Variants in RICTOR observed in about 807,000 individuals in gnomAD.
RICTOR encodes RPTOR independent companion of MTOR complex 2.
Under a neutral mutation model 214.9 loss-of-function variants are expected in RICTOR, and 49 were observed. That is an observed-to-expected ratio of 0.23 (90% CI 0.18 to 0.29). The LOEUF is 0.29. RICTOR is among the 10% of genes least tolerant of loss of function. The probability of loss-of-function intolerance (pLI) is 1.00; values close to 1 mark genes in which losing one functional copy is unlikely to be tolerated. For synonymous variants in RICTOR, 717 were observed against 711.3 expected, an observed-to-expected ratio of 1.01 and a Z score of -0.13; for missense variants, 1,625 against 2,047.0, an observed-to-expected ratio of 0.79 and a Z score of 3.98.
chr5:39,069,984 C>CTTAATTA (rs1759194496), intron 2 of RICTOR, among the ~76,000 whole-genome samples: 2 of 152,320 alleles, frequency 1.3e-5, no homozygotes, highest in African/African-American at 4.8e-5. Flanking sequence ...TATTTTTCCA[C>CTTAATTA]CTGCAATCAT....
intron 7 of RICTOR, among the ~76,000 whole-genome samples, chr5:38,987,158 T>C (rs1283018804): frequency 6.6e-6 from 1 of 152,216 alleles, no homozygotes; most frequent in Non-Finnish European, 1.5e-5. Context: ...ACATCGATTT[T>C]CATCAGGGAT....
At chr5:39,025,124 A>T (rs1228155817) in intron 2 of RICTOR, among the ~76,000 whole-genome samples, 6 of 152,214 alleles carry the variant, frequency 3.9e-5, no homozygotes, top group Admixed American at 6.5e-5. Flanking sequence ...AACCAAAATG[A>T]ATCAGCCTTT....
At position 38,982,804 on chromosome 5, in the gene RICTOR, AC is replaced by A. The variant is rs1751829893; in HGVS notation, c.584-769del. On this transcript the variant is annotated intron_variant, in intron 7 of 37. Transcript: ENST00000357387. ...TATATATATACATATATATACACAT[AC>A]ATATATATATATAAACAGTTAACAG... Among the ~76,000 whole-genome samples, 3 of 11,180 alleles carry A rather than the reference AC, an allele frequency of 2.7e-4. 1 individual carries two copies. Among genetic ancestry groups the A allele is most frequent in the African/African-American group, 4.7e-4 (3 of 6,428 alleles). The allele number at this position is 11,180 out of a possible 152,430, so 7.3% of individuals were successfully genotyped here. A position where few individuals can be genotyped will look rare whatever the true frequency, so the allele number is the denominator to read the frequency against.
chr5:38,958,339 T>A, intron 24 of RICTOR, 104 bp downstream of exon 24: 2 of 725,606 alleles, frequency 2.8e-6, no homozygotes, highest in East Asian at 2.6e-5. Flanking sequence ...TATTAAAAGG[T>A]AAACTCTTCA....
At position 38,977,620 on chromosome 5, in the gene RICTOR, C is replaced by T. The variant is rs569789631; in HGVS notation, c.821+963G>A. 3.6e-3 allele frequency among the ~76,000 whole-genome samples: 376 copies of T among 104,304 alleles called. 3 individuals carry two copies. The highest frequency in any genetic ancestry group is 0.014 in the African/African-American group (366 of 26,898). 68.4% of individuals were successfully genotyped at this position (104,304 alleles called of 152,430 possible). A position where few individuals can be genotyped will look rare whatever the true frequency, so the allele number is the denominator to read the frequency against. ...TTTTTTTTTTTTTTTTTTTTTGAGA[C>T]AGAGTGTCGCTCTGTCACCCAGGAT... is the stretch of plus-strand genomic sequence containing the variant. On this transcript the variant is annotated intron_variant, in intron 9 of 37. Coordinates refer to ENST00000357387, the MANE Select transcript of RICTOR (RefSeq NM_152756.5).
chr5:38,944,852 C>A, intron 35 of RICTOR, 61 bp downstream of exon 35: 2 of 1,510,438 alleles, frequency 1.3e-6, no homozygotes, highest in Admixed American at 3.7e-5. Context: ...AAAAACAAAA[C>A]AAAACCAACT....
Position 39,065,432 on chromosome 5 carries a change from T to A in RICTOR, c.97+8679A>T, listed in dbSNP as rs149032724. Among the ~76,000 whole-genome samples, 3 of 152,216 alleles carry A rather than the reference T, an allele frequency of 2.0e-5. No individual in the cohort carries two copies. The East Asian group carries it at 5.8e-4, about 29-fold the overall frequency. On this transcript the variant is annotated intron_variant, in intron 2 of 37. Coordinates refer to ENST00000357387, the MANE Select transcript of RICTOR (RefSeq NM_152756.5). ...AACATGAGATTCGGGTGGGGACAAA[T>A]ATCCAAACTGTATCATTCTGCCCAC...
At chr5:38,975,071 ATACT>A (rs1751099634) in intron 10 of RICTOR, among the ~76,000 whole-genome samples, 1 of 152,232 alleles carries the variant, frequency 6.6e-6, no homozygotes. Flanking sequence ...TTTAAAAACA[ATACT>A]TACTTTTTAT....
At chr5:39,026,104 C>T (rs944575327) in intron 2 of RICTOR, among the ~76,000 whole-genome samples, 7 of 152,120 alleles carry the variant, frequency 4.6e-5, no homozygotes, top group African/African-American at 1.2e-4. Flanking sequence ...AACAGCACTA[C>T]GTGAAAAGTA....
intron 2 of RICTOR, among the ~76,000 whole-genome samples, chr5:39,042,745 C>A (rs945285815): frequency 1.3e-5 from 2 of 152,182 alleles, no homozygotes; most frequent in Admixed American, 1.3e-4. Context: ...CAAACAGTAA[C>A]CACACTCAAA....
intron 7 of RICTOR, among the ~76,000 whole-genome samples, chr5:38,988,086 T>C (rs1458458744): frequency 1.3e-5 from 2 of 152,182 alleles, no homozygotes; most frequent in African/African-American, 4.8e-5. Flanking sequence ...TTGATTTCTG[T>C]TCTTTTGCAT....
intron 9 of RICTOR, among the ~76,000 whole-genome samples, chr5:38,978,105 T>C (rs888233037): frequency 6.6e-6 from 1 of 152,152 alleles, no homozygotes; most frequent in Admixed American, 6.5e-5. Flanking sequence ...CTAGTGAACA[T>C]GTGCCTTTCT....
In RICTOR at chr5:39,074,099, G is replaced by C. The variant is rs750621765; in HGVS notation, c.97+12C>G. 1.9e-6 allele frequency: 3 copies of C among 1,555,954 alleles called. No homozygotes were observed. The Admixed American group carries it at 5.7e-5, about 30-fold the overall frequency. On this transcript the variant is annotated intron_variant, in intron 2 of 37. Coordinates refer to ENST00000357387, the MANE Select transcript of RICTOR (RefSeq NM_152756.5). ...AGCGCGCCCTCGCGGCGCCCGCGGC[G>C]CCCCGCGTTACCTCGGGTCAGATCC...
chr5:38,966,489 T>C (rs1750235219), intron 15 of RICTOR, 152 bp downstream of exon 15: 6 of 603,618 alleles, frequency 9.9e-6, no homozygotes, highest in Non-Finnish European at 1.8e-5. Flanking sequence ...CAGGATACAG[T>C]ACCAAGGGCT....
At chr5:39,027,221 T>C (rs541897168) in intron 2 of RICTOR, among the ~76,000 whole-genome samples, 3 of 152,176 alleles carry the variant, frequency 2.0e-5, no homozygotes, top group African/African-American at 7.2e-5. Flanking sequence ...CCCAAGGAGA[T>C]AATACATGGC....
intron 2 of RICTOR, among the ~76,000 whole-genome samples, chr5:39,070,170 A>T (rs1156546008): frequency 1.3e-5 from 2 of 152,248 alleles, no homozygotes; most frequent in Non-Finnish European, 2.9e-5. Context: ...GGAAAATAAA[A>T]AGTTAGAGTT....
At chr5:39,059,903 G>A (rs1470054619) in intron 2 of RICTOR, among the ~76,000 whole-genome samples, 3 of 152,032 alleles carry the variant, frequency 2.0e-5, no homozygotes, top group Non-Finnish European at 1.5e-5. Context: ...CTCAAAAGGA[G>A]ATGAAGAAAC....
Position 38,959,877 on chromosome 5 carries a change from T to C in RICTOR, c.1953A>G (p.Leu651=). The C allele has an allele frequency of 6.2e-7, 1 of 1,612,470 alleles. No homozygotes were observed. The highest frequency in any genetic ancestry group is 8.5e-7 in the Non-Finnish European group (1 of 1,178,642). The stretch of plus-strand genomic sequence containing the variant: ...AGTAGTGTTGACTAAGGGTGGTCAA[T>C]AAACCATTATTTTGAAGACTTCTTT... The part of the protein sequence containing the change: ...KPERSLQNNG[L]LTTLSQHYFL... Residue 651 remains leucine, a synonymous_variant, in exon 21 of 38, where the codon TTA becomes TTG. Transcript: ENST00000357387.
Position 39,021,038 on chromosome 5 carries a change from C to G in RICTOR, c.195+1G>C. The G allele has an allele frequency of 6.9e-7, 1 of 1,440,752 alleles. No individual in the cohort carries two copies. The highest frequency in any genetic ancestry group is 9.8e-7 in the Non-Finnish European group (1 of 1,021,944). The allele number at this position is 1,440,752 out of a possible 1,614,324, so 89.2% of individuals were successfully genotyped here. A position where few individuals can be genotyped will look rare whatever the true frequency, so the allele number is the denominator to read the frequency against. Reference sequence around the variant, plus strand: ...CAATAATAAAAATTCAAGTTACTTACCTTAGTAAAGTTATTCAGATGGCCT... The same window carrying G: ...CAATAATAAAAATTCAAGTTACTTAGCTTAGTAAAGTTATTCAGATGGCCT... On this transcript the variant is annotated splice_donor_variant, in intron 3 of 37. Coordinates refer to ENST00000357387, the MANE Select transcript of RICTOR (RefSeq NM_152756.5). LOFTEE classifies it high-confidence loss of function.
Sources: allele counts gnomAD v4.1 joint callset (sites outside exome capture counted in the v4.1 genomes callset), GRCh38; gene constraint gnomAD v4.1.1; transcripts MANE v1.5; gene names NCBI Gene and HGNC (gene_info 2026-07-23, HGNC 2026-07-21).